The following CAMK1D variants were observed in gnomAD, a reference collection of about 807,000 sequenced individuals.
CAMK1D encodes the protein calcium/calmodulin dependent protein kinase ID, also known as calcium/calmodulin-dependent protein kinase type 1D.
A neutral mutation model predicts 47.7 loss-of-function variants in CAMK1D; 9 were observed. That is an observed-to-expected ratio of 0.19 (90% CI 0.11 to 0.33). The LOEUF (loss-of-function observed/expected upper bound fraction) is 0.33, where lower values mean the gene tolerates loss of function less well. Ranked by LOEUF, CAMK1D falls within the 10% of genes least tolerant of loss-of-function variation. The probability of loss-of-function intolerance (pLI) is 1.00; values close to 1 mark genes in which losing one functional copy is unlikely to be tolerated. For synonymous variants in CAMK1D, 184 were observed against 184.9 expected, an observed-to-expected ratio of 0.99 and a Z score of 0.04; for missense variants, 291 against 488.7, an observed-to-expected ratio of 0.60 and a Z score of 3.81.
chr10:12,421,907 C>T (rs1588468162), intron 1 of CAMK1D, among the ~76,000 whole-genome samples: 2 of 151,696 alleles, frequency 1.3e-5, no homozygotes, highest in Admixed American at 1.3e-4. Context: ...GCCTTCGCCT[C>T]CTGGGTTCAG....
chr10:12,488,691 C>T (rs1462198893), intron 1 of CAMK1D, among the ~76,000 whole-genome samples: 14 of 152,162 alleles, frequency 9.2e-5, no homozygotes, highest in Admixed American at 9.2e-4. Context: ...TAGACAGTCC[C>T]ATCTGGAGGT....
intron 2 of CAMK1D, among the ~76,000 whole-genome samples, chr10:12,637,303 C>T (rs1257589128): frequency 6.6e-6 from 1 of 152,124 alleles, no homozygotes; most frequent in South Asian, 2.1e-4. Flanking sequence ...ATTTGGAAAC[C>T]TATATTTCTA....
intron 6 of CAMK1D, among the ~76,000 whole-genome samples, chr10:12,799,640 C>T (rs1838345013): frequency 2.0e-5 from 3 of 152,176 alleles, no homozygotes; most frequent in African/African-American, 7.2e-5. Context: ...GAACTAACTC[C>T]TCTGCTTTGT....
chr10:12,749,024 T>C (rs1272295187), intron 3 of CAMK1D, among the ~76,000 whole-genome samples: 1 of 151,578 alleles, frequency 6.6e-6, no homozygotes, highest in Non-Finnish European at 1.5e-5. Flanking sequence ...TTACTTTAAT[T>C]AGTGATTGGT....
intron 2 of CAMK1D, among the ~76,000 whole-genome samples, chr10:12,589,448 T>C (rs1045824218): frequency 1.3e-5 from 2 of 152,234 alleles, no homozygotes; most frequent in Non-Finnish European, 2.9e-5. Context: ...AGGCCATGGC[T>C]GAGCTTCACT....
chr10:12,701,653 T>C (rs1833523360), intron 3 of CAMK1D, among the ~76,000 whole-genome samples: 3 of 152,238 alleles, frequency 2.0e-5, no homozygotes, highest in South Asian at 4.1e-4. Context: ...CCAGTGACCT[T>C]CATGTCATTT....
At chr10:12,663,006 G>C (rs1032931846) in intron 2 of CAMK1D, among the ~76,000 whole-genome samples, 12 of 152,156 alleles carry the variant, frequency 7.9e-5, no homozygotes, top group Non-Finnish European at 2.9e-5. Context: ...TGGTTGCCCA[G>C]GCTGGAGTGC....
intron 7 of CAMK1D, 33 bp from the exon 8 acceptor site, chr10:12,816,217 T>C (rs1330951922): frequency 1.3e-6 from 2 of 1,592,244 alleles, no homozygotes; most frequent in South Asian, 2.2e-5. Flanking sequence ...AGTCGCAAAG[T>C]GATTCCTTCC....
intron 2 of CAMK1D, among the ~76,000 whole-genome samples, chr10:12,593,270 C>A (rs2132367381): frequency 6.6e-6 from 1 of 152,306 alleles, no homozygotes; most frequent in East Asian, 1.9e-4. Context: ...GATGATCAAT[C>A]TCCCTCTGGA....
At chr10:12,369,894 T>A (rs1449918102) in intron 1 of CAMK1D, among the ~76,000 whole-genome samples, 1 of 150,998 alleles carries the variant, frequency 6.6e-6, no homozygotes, top group African/African-American at 2.4e-5. Context: ...AGGCGAAGGT[T>A]GCAGTGAGCT....
At chr10:12,620,206 A>G in intron 2 of CAMK1D, among the ~76,000 whole-genome samples, 1 of 151,044 alleles carries the variant, frequency 6.6e-6, no homozygotes, top group Non-Finnish European at 1.5e-5. Context: ...AAAAAAAAAA[A>G]AAAAAAAAAA....
At chr10:12,708,010 AAG>A (rs1320165673) in intron 3 of CAMK1D, among the ~76,000 whole-genome samples, 1 of 152,204 alleles carries the variant, frequency 6.6e-6, no homozygotes, top group Admixed American at 6.5e-5. Context: ...GACTTTGCCT[AAG>A]AGTGACCGAG....
At chr10:12,763,606 A>G (rs1836604427) in intron 4 of CAMK1D, among the ~76,000 whole-genome samples, 1 of 152,202 alleles carries the variant, frequency 6.6e-6, no homozygotes, top group Non-Finnish European at 1.5e-5. Context: ...GGATACGAGT[A>G]CTACGTCTGG....
At chr10:12,758,184 C>T (rs1322368829) in intron 3 of CAMK1D, among the ~76,000 whole-genome samples, 1 of 151,992 alleles carries the variant, frequency 6.6e-6, no homozygotes, top group Non-Finnish European at 1.5e-5. Context: ...CTAATCACCT[C>T]CCAAAGACCC....
intron 1 of CAMK1D, among the ~76,000 whole-genome samples, chr10:12,389,008 G>A (rs1392665210): frequency 6.6e-6 from 1 of 152,186 alleles, no homozygotes; most frequent in Non-Finnish European, 1.5e-5. Context: ...GCAGCTGATG[G>A]AGACACCACC....
chr10:12,683,175 C>G (rs1458480118), intron 3 of CAMK1D, among the ~76,000 whole-genome samples: 2 of 151,912 alleles, frequency 1.3e-5, no homozygotes, highest in African/African-American at 4.8e-5. Context: ...CAACCTCCGC[C>G]TCCCCAGTTG....
chr10:12,489,022 G>A (rs1264904212), intron 1 of CAMK1D, among the ~76,000 whole-genome samples: 3 of 150,566 alleles, frequency 2.0e-5, no homozygotes, highest in African/African-American at 7.4e-5. Flanking sequence ...TGCAAGCTCC[G>A]CCTCCCAGGT....
At chr10:12,538,088 G>A (rs548165964) in intron 1 of CAMK1D, among the ~76,000 whole-genome samples, 4 of 152,236 alleles carry the variant, frequency 2.6e-5, no homozygotes, top group African/African-American at 9.6e-5. Context: ...GATCTTTCCT[G>A]TTCTGCGCAC....
intron 1 of CAMK1D, among the ~76,000 whole-genome samples, chr10:12,458,382 C>T (rs1010972172): frequency 2.0e-5 from 3 of 152,078 alleles, no homozygotes; most frequent in Non-Finnish European, 4.4e-5. Context: ...GATACATATT[C>T]CTATGTGTTC....
Sources: allele counts gnomAD v4.1 joint callset (sites outside exome capture counted in the v4.1 genomes callset), GRCh38; gene constraint gnomAD v4.1.1; transcripts MANE v1.5; gene names NCBI Gene and HGNC (gene_info 2026-07-23, HGNC 2026-07-21).